The following PRR33 variants were observed in gnomAD, a reference collection of about 807,000 sequenced individuals.
The protein encoded by PRR33 is proline-rich protein 33.
Under a neutral mutation model 0.5 loss-of-function variants are expected in PRR33, and 1 was observed. That is an observed-to-expected ratio of 2.18 (90% CI 0.77 to 10.34). The LOEUF is 10.34. Ranked by LOEUF, PRR33 falls within the 30% of genes most tolerant of loss-of-function variation. PRR33 has a pLI of 0.13. For missense variants in PRR33, 552 were observed against 251.8 expected (o/e 2.19, Z -8.07); for synonymous variants, 226 against 110.0 (o/e 2.06, Z -6.60).
At chr11:1,906,125 C>G in the PRR33 span, among the ~76,000 whole-genome samples, 2 of 151,996 alleles carry the variant, frequency 1.3e-5, no homozygotes, top group Non-Finnish European at 2.9e-5. Context: ...CATGCATGGC[C>G]CCTCTGCTTC....
the PRR33 span, among the ~76,000 whole-genome samples, chr11:1,909,290 T>C: frequency 6.6e-6 from 1 of 151,938 alleles, no homozygotes; most frequent in Non-Finnish European, 1.5e-5. Flanking sequence ...GAGACTAGCC[T>C]GGGCAACACA....
the PRR33 span, among the ~76,000 whole-genome samples, chr11:1,910,630 C>A: frequency 2.0e-5 from 3 of 152,156 alleles, no homozygotes; most frequent in African/African-American, 7.2e-5. Flanking sequence ...TTCTGACCCC[C>A]GTTAACTTTC....
At chr11:1,894,217 G>A (rs539258231), upstream of PRR33, among the ~76,000 whole-genome samples, 275 of 115,060 alleles carry the variant, frequency 2.4e-3, no homozygotes, top group Non-Finnish European at 3.8e-3. Flanking sequence ...CAGGCTGGGA[G>A]TGTGGGAGTG....
At chr11:1,891,496 A>G (rs542605) in exon 1 of PRR33, 68,180 of 152,232 alleles carry the variant, frequency 0.45, 16,439 homozygotes, top group East Asian at 0.81. Context: ...TCTAGCTCCC[A>G]GGGTGGGCAG....
chr11:1,890,152 G>A, the PRR33 span: 1 of 717,128 alleles, frequency 1.4e-6, no homozygotes, highest in Non-Finnish European at 2.6e-6. Context: ...GCCCTGAATT[G>A]AGCAGCTAGA....
chr11:1,910,505 T>C, the PRR33 span, among the ~76,000 whole-genome samples: 2 of 152,174 alleles, frequency 1.3e-5, no homozygotes, highest in Non-Finnish European at 2.9e-5. Flanking sequence ...ACCTCGGCCT[T>C]CCAAAGTGTT....
At chr11:1,905,688 A>G in the PRR33 span, among the ~76,000 whole-genome samples, 1 of 151,642 alleles carries the variant, frequency 6.6e-6, no homozygotes, top group Admixed American at 6.6e-5. Context: ...TCGTGGGCTC[A>G]AGCAATCCTA....
the PRR33 span, among the ~76,000 whole-genome samples, chr11:1,911,315 G>A: frequency 1.3e-5 from 2 of 152,158 alleles, no homozygotes; most frequent in South Asian, 2.1e-4. Flanking sequence ...GGTGGTGGGC[G>A]CCTGTAATCC....
the PRR33 span, among the ~76,000 whole-genome samples, chr11:1,905,105 G>T: frequency 2.7e-5 from 4 of 147,162 alleles, no homozygotes; most frequent in African/African-American, 1.0e-4. Context: ...TGAGAGCAAG[G>T]TCATTGCTTG....
the PRR33 span, among the ~76,000 whole-genome samples, chr11:1,902,069 A>G: frequency 1.3e-5 from 2 of 151,972 alleles, no homozygotes; most frequent in Admixed American, 1.3e-4. Context: ...CGTCTCTACT[A>G]AAAATACAAA....
At chr11:1,914,790 G>A in the PRR33 span, among the ~76,000 whole-genome samples, 1 of 145,952 alleles carries the variant, frequency 6.9e-6, no homozygotes, top group Non-Finnish European at 1.5e-5. Context: ...GGGTTGTGGG[G>A]TGTACACACC....
rs1483401725 is a variant in PRR33, at chr11:1,890,740, C to T, written c.-156G>A. On this transcript the variant is annotated 5_prime_UTR_variant, in exon 1 of 1. It removes an upstream start codon present in the reference 5' UTR. Transcript: ENST00000640310. ...CTGAGCACCCAGAACCTGCCAGGGA[C>T]ATGCTGAGCTCGACTGTGCCTTGGG... 5 of 603,490 alleles carry T rather than the reference C, an allele frequency of 8.3e-6. No homozygotes were observed. Among genetic ancestry groups the T allele is most frequent in the Non-Finnish European group, 1.5e-5 (5 of 338,632 alleles). 37.4% of individuals were successfully genotyped at this position (603,490 alleles called of 1,614,324 possible). A position where few individuals can be genotyped will look rare whatever the true frequency, so the allele number is the denominator to read the frequency against.
exon 1 of PRR33, chr11:1,889,267 G>A (rs955160804): frequency 7.3e-6 from 5 of 681,436 alleles, no homozygotes; most frequent in East Asian, 2.7e-5. Context: ...GCGTTGAAGC[G>A]AGGCCGGTAC....
chr11:1,894,230 T>A (rs1442723731), upstream of PRR33, among the ~76,000 whole-genome samples: 5 of 143,934 alleles, frequency 3.5e-5, no homozygotes, highest in East Asian at 2.1e-4. Context: ...TGGGAGTGTG[T>A]GTGTGTGTGT....
At chr11:1,892,771 G>T (rs1175828352), upstream of PRR33, among the ~76,000 whole-genome samples, 14 of 152,016 alleles carry the variant, frequency 9.2e-5, no homozygotes, top group Non-Finnish European at 1.9e-4. Context: ...TGAATGGCTG[G>T]GTGGGCAAGT....
At chr11:1,904,288 G>A in the PRR33 span, among the ~76,000 whole-genome samples, 1 of 152,154 alleles carries the variant, frequency 6.6e-6, no homozygotes, top group Admixed American at 6.5e-5. Context: ...CAGCACTTTG[G>A]GAGGCCGAGG....
chr11:1,911,989 A>AC, the PRR33 span, among the ~76,000 whole-genome samples: 2 of 116,676 alleles, frequency 1.7e-5, no homozygotes, highest in Non-Finnish European at 3.3e-5. Flanking sequence ...AGTGAGTGAG[A>AC]CCCCATCTCT....
chr11:1,917,094 T>C, the PRR33 span, among the ~76,000 whole-genome samples: 261 of 152,330 alleles, frequency 1.7e-3, no homozygotes, highest in African/African-American at 6.1e-3. Flanking sequence ...GGCAGCTACC[T>C]AGGGCTGGAG....
At position 1,890,228 on chromosome 11, in the gene PRR33, G is replaced by A. The variant is rs756920788; in HGVS notation, c.357C>T (p.Ile119=). 7.4e-5 allele frequency: 53 copies of A among 716,634 alleles called. No homozygotes were observed. The Middle Eastern group carries it at 9.1e-4, about 12-fold the overall frequency. 44.4% of individuals were successfully genotyped at this position (716,634 alleles called of 1,614,324 possible). A position where few individuals can be genotyped will look rare whatever the true frequency, so the allele number is the denominator to read the frequency against. ...GCAGGGGTGATGCCACGTGGTGGAT[G>A]ATGGGGGTGTGCGGGGAGCGGGGTA... The change falls in exon 1 of 1, where the codon ATC becomes ATT. Residue 119 remains isoleucine, a synonymous_variant. Transcript: ENST00000640310.
Sources: allele counts gnomAD v4.1 joint callset (sites outside exome capture counted in the v4.1 genomes callset), GRCh38; gene constraint gnomAD v4.1.1; transcripts MANE v1.5; gene names NCBI Gene and HGNC (gene_info 2026-07-23, HGNC 2026-07-21).